TANC1: variants seen among roughly 807,000 people sequenced by gnomAD.
TANC1 encodes protein TANC1.
A neutral mutation model predicts 149.7 loss-of-function variants in TANC1; 77 were observed. That is an observed-to-expected ratio of 0.51 (90% CI 0.43 to 0.62). The LOEUF (loss-of-function observed/expected upper bound fraction) is 0.62. Among genes scored for constraint, TANC1 ranks in the 20% least tolerant of loss-of-function variants. The pLI is 0.00. For synonymous variants in TANC1, 854 were observed against 925.0 expected (o/e 0.92, Z 1.39); for missense variants, 1,985 against 2,321.8 (o/e 0.85, Z 2.98).
rs780832999 is a variant in TANC1 at position 159,175,192 on chromosome 2, G to C, written c.1735+8G>C. On this transcript the variant is annotated splice_region_variant and intron_variant, in intron 12 of 26. Coordinates refer to ENST00000263635, the MANE Select transcript of TANC1 (RefSeq NM_033394.3). Reference sequence around the variant, plus strand: ...TCACAAACCTGAGAAATGGTACTTCGCAGCAGCTACCCACAGCCCCATCTC... The same window carrying C: ...TCACAAACCTGAGAAATGGTACTTCCCAGCAGCTACCCACAGCCCCATCTC... 6.2e-7 allele frequency: 1 copy of C among 1,607,586 alleles called. No individual in the cohort carries two copies. Among genetic ancestry groups the C allele is most frequent in the South Asian group, 1.1e-5 (1 of 90,914 alleles).
Position 159,120,360 on chromosome 2 carries a change from TATTTTTTTTTA to T in TANC1, c.260-15822_260-15812del, listed in dbSNP as rs2048722352. On this transcript the variant is annotated intron_variant, in intron 4 of 26. Transcript: ENST00000263635. ...CTTGGACTTGAGGGAGTAGTTTGTT[TATTTTTTTTTA>T]ATTTTTTTTTAGAATCTTGAACTTC... Among the ~76,000 whole-genome samples, 8 of 152,226 alleles carry T rather than the reference TATTTTTTTTTA, an allele frequency of 5.3e-5. No individual in the cohort carries two copies. The South Asian group carries it at 1.7e-3, about 32-fold the overall frequency.
intron 2 of TANC1, among the ~76,000 whole-genome samples, chr2:159,019,653 G>GGTTTTTT (rs2038624568): frequency 1.4e-5 from 1 of 73,304 alleles, no homozygotes; most frequent in African/African-American, 5.7e-5. Flanking sequence ...CTTTCTTTCT[G>GGTTTTTT]TTTTTTTTTT....
At chr2:159,101,023 C>A (rs985446950) in intron 4 of TANC1, among the ~76,000 whole-genome samples, 3 of 152,188 alleles carry the variant, frequency 2.0e-5, no homozygotes, top group Admixed American at 1.3e-4. Flanking sequence ...CCCCTCCTCT[C>A]CTTCCACGCT....
At chr2:159,144,196 A>G (rs1190147300) in intron 5 of TANC1, among the ~76,000 whole-genome samples, 1 of 152,146 alleles carries the variant, frequency 6.6e-6, no homozygotes, top group Non-Finnish European at 1.5e-5. Context: ...CTGAAGAAGA[A>G]AAGGCTAATT....
intron 3 of TANC1, among the ~76,000 whole-genome samples, chr2:159,091,035 T>G (rs567312773): frequency 2.9e-4 from 41 of 142,600 alleles, no homozygotes; most frequent in African/African-American, 9.8e-4. Flanking sequence ...TGTTTTTTTG[T>G]TTTTTTTTTC....
Position 159,170,800 on chromosome 2 carries a change from C to G in TANC1, c.1346C>G (p.Pro449Arg). The G allele has an allele frequency of 6.2e-7, 1 of 1,613,180 alleles. No individual in the cohort carries two copies. The highest frequency in any genetic ancestry group is 8.5e-7 in the Non-Finnish European group (1 of 1,179,192). ...GCTTCCAACAGCCCGGGTTCATCAC[C>G]TAAAAGTACGTGCATGTTTAATTAC... ...QIASNSPGSS[P>R]KTSDPTQDLH... The change falls in exon 10 of 27, where the codon CCT becomes CGT. Residue 449 changes from proline (P) to arginine (R), a missense_variant. By Grantham distance (103) the Pro-to-Arg change is moderately radical. Around this residue, in one of 3 missense-constraint regions of TANC1, gnomAD observed 557 missense variants for 612.9 expected, o/e 0.91. Coordinates refer to ENST00000263635, the MANE Select transcript of TANC1 (RefSeq NM_033394.3).
chr2:159,127,589 A>G (rs555633774), intron 4 of TANC1, among the ~76,000 whole-genome samples: 53 of 152,400 alleles, frequency 3.5e-4, no homozygotes, highest in Non-Finnish European at 7.1e-4. Flanking sequence ...AAGGAAGTGT[A>G]GTACATATAC....
At chr2:159,036,440 A>G (rs777199445) in intron 2 of TANC1, among the ~76,000 whole-genome samples, 2 of 152,234 alleles carry the variant, frequency 1.3e-5, no homozygotes, top group Middle Eastern at 6.8e-3. Flanking sequence ...TACATGTGCC[A>G]TGTTGGTTTG....
chr2:159,136,002 TTGTGTGTGTGTGTGTGTGTGTGTGTG>T (rs754052800), intron 4 of TANC1, among the ~76,000 whole-genome samples, 166 bp from the exon 5 acceptor site: 17 of 107,882 alleles, frequency 1.6e-4, no homozygotes, highest in South Asian at 8.9e-4. Flanking sequence ...TACTGAAATT[TTGTGTGTGTGTGTGTGTGTGTGTGTG>T]TGTGTGTGTG....
At chr2:159,204,665 C>T (rs918825261) in intron 19 of TANC1, among the ~76,000 whole-genome samples, 1 of 152,158 alleles carries the variant, frequency 6.6e-6, no homozygotes, top group African/African-American at 2.4e-5. Context: ...CCCAGGGCTA[C>T]GCTTCCCTAA....
At chr2:159,163,887 T>G (rs548774431) in intron 8 of TANC1, among the ~76,000 whole-genome samples, 1 of 152,342 alleles carries the variant, frequency 6.6e-6, no homozygotes, top group Non-Finnish European at 1.5e-5. Flanking sequence ...AAATGGGAAT[T>G]GTTGAGTGAG....
At chr2:159,115,052 C>G (rs2150048264) in intron 4 of TANC1, among the ~76,000 whole-genome samples, 1 of 152,296 alleles carries the variant, frequency 6.6e-6, no homozygotes, top group African/African-American at 2.4e-5. Flanking sequence ...ATACTTGGCT[C>G]TAAGCTCTGG....
chr2:159,098,432 C>T (rs2046351594), intron 4 of TANC1, among the ~76,000 whole-genome samples: 1 of 152,212 alleles, frequency 6.6e-6, no homozygotes, highest in South Asian at 2.1e-4. Context: ...CTAATGACGC[C>T]TGTCTCAGAA....
At chr2:158,987,180 C>T (rs1349542321) in intron 1 of TANC1, among the ~76,000 whole-genome samples, 5 of 147,244 alleles carry the variant, frequency 3.4e-5, no homozygotes, top group African/African-American at 1.3e-4. Context: ...CGCCACTGCA[C>T]TCCAGCCTGG....
intron 2 of TANC1, among the ~76,000 whole-genome samples, chr2:159,024,367 G>A (rs1229712888): frequency 6.6e-6 from 1 of 152,154 alleles, no homozygotes. Flanking sequence ...TAATGTCCCA[G>A]GCCTTTACAG....
chr2:159,179,301 T>G, intron 14 of TANC1, 138 bp downstream of exon 14: 1 of 1,242,614 alleles, frequency 8.0e-7, no homozygotes, highest in Non-Finnish European at 1.1e-6. Context: ...TGTTTTATTA[T>G]TTTTCTTCCT....
Position 158,968,724 on chromosome 2 carries a change from C to T in TANC1, c.-184C>T, listed in dbSNP as rs761240065. 2 of 152,024 alleles carry T rather than the reference C, an allele frequency of 1.3e-5. No homozygotes were observed. The highest frequency in any genetic ancestry group is 1.9e-4 in the East Asian group (1 of 5,148). The allele number at this position is 152,024 out of a possible 1,614,324, so 9.4% of individuals were successfully genotyped here. A position where few individuals can be genotyped will look rare whatever the true frequency, so the allele number is the denominator to read the frequency against. ...CGCGGAGCGCCGAGCTGGCCTCGCC[C>T]CGAGGCCCGGCCCTGGGTGTGGGGA... On this transcript the variant is annotated 5_prime_UTR_variant, in exon 1 of 27. Transcript: ENST00000263635.
At chr2:159,108,527 C>A (rs2047407573) in intron 4 of TANC1, among the ~76,000 whole-genome samples, 1 of 152,154 alleles carries the variant, frequency 6.6e-6, no homozygotes, top group Non-Finnish European at 1.5e-5. Context: ...TGGTGGAGAT[C>A]TTTTTCATCA....
In TANC1 at chr2:159,170,629, T is replaced by A. The variant is rs780440051; in HGVS notation, c.1175T>A (p.Phe392Tyr). 3.7e-6 allele frequency: 6 copies of A among 1,614,028 alleles called. No individual in the cohort carries two copies. The Admixed American group carries it at 5.0e-5, about 13-fold the overall frequency. ...DSVFVGRDWL[F>Y]HQIEENLRNT... The stretch of plus-strand genomic sequence containing the variant: ...GTGTTTGTGGGAAGGGATTGGCTCT[T>A]TCACCAGATAGAAGAAAACTTGAGG... The change falls in exon 10 of 27, where the codon TTT becomes TAT. Residue 392 changes from phenylalanine (F) to tyrosine (Y), a missense_variant. By Grantham distance (22) the Phe-to-Tyr change is conservative. Around this residue, in one of 3 missense-constraint regions of TANC1, gnomAD observed 557 missense variants for 612.9 expected, o/e 0.91. Coordinates refer to ENST00000263635, the MANE Select transcript of TANC1 (RefSeq NM_033394.3).
Sources: gnomAD v4.1 joint callset for allele counts (sites outside exome capture counted in the v4.1 genomes callset) on GRCh38, gnomAD v4.1.1 for gene constraint, gnomAD v4.1.1 regional missense constraint, MANE v1.5 for transcripts, NCBI Gene and HGNC (gene_info 2026-07-23, HGNC 2026-07-21) for gene names.